The following BTBD8 variants were observed in gnomAD, a reference collection of about 807,000 sequenced individuals.
BTBD8 encodes the protein BTB domain containing 8, also known as BTB/POZ domain-containing protein 8.
In BTBD8, 110 loss-of-function variants were observed where a neutral mutation model predicts 162.9. The ratio of observed to expected loss-of-function variants is 0.68; its 90% CI spans 0.58 to 0.79. The LOEUF (loss-of-function observed/expected upper bound fraction) is 0.79, where lower values mean the gene tolerates loss of function less well. BTBD8 is among the 30% of genes least tolerant of loss of function. The pLI, the probability that BTBD8 is intolerant of heterozygous loss-of-function variation, is 0.00. For missense variants in BTBD8, 1,905 were observed against 2,085.4 expected (o/e 0.91, Z 1.68); for synonymous variants, 667 against 716.1 (o/e 0.93, Z 1.10).
rs1649959299 is a variant in BTBD8, at chr1:92,147,755, A to C, written c.1091A>C (p.Lys364Thr). Residue 364 changes from lysine to threonine, a missense_variant, in exon 9 of 18, where the codon AAA becomes ACA. Transcript: ENST00000636805. ...SFANIPPEIQ[K>T]SCLNMLIQSL... is the part of the protein sequence containing the mutation. Reference sequence around the variant, plus strand: ...GCAAATATACCTCCTGAGATTCAGAAAAGTTGTCTTAATATGTTGATTCAG... The same window carrying C: ...GCAAATATACCTCCTGAGATTCAGACAAGTTGTCTTAATATGTTGATTCAG... 1 of 1,613,548 alleles carries C rather than the reference A, an allele frequency of 6.2e-7. No homozygotes were observed. The highest frequency in any genetic ancestry group is 2.2e-5 in the East Asian group (1 of 44,804).
At chr1:92,177,652 A>G (rs1650760268) in intron 14 of BTBD8, 106 bp downstream of exon 14, 2 of 855,806 alleles carry the variant, frequency 2.3e-6, no homozygotes, top group African/African-American at 1.7e-5. Context: ...TCAGATGCCA[A>G]CAGAATACTT....
chr1:92,119,266 T>C (rs1649126808), intron 4 of BTBD8, among the ~76,000 whole-genome samples: 2 of 151,554 alleles, frequency 1.3e-5, no homozygotes, highest in Non-Finnish European at 2.9e-5. Context: ...TGTATAGCTG[T>C]ACAAATTTTT....
intron 4 of BTBD8, among the ~76,000 whole-genome samples, chr1:92,118,563 T>C (rs970299173): frequency 2.6e-5 from 4 of 151,952 alleles, no homozygotes; most frequent in African/African-American, 9.7e-5. Context: ...ACTTCCCATT[T>C]CCAGACTCTG....
At chr1:92,129,867 T>C in intron 5 of BTBD8, 91 bp downstream of exon 5, 2 of 1,078,928 alleles carry the variant, frequency 1.9e-6, no homozygotes, top group Non-Finnish European at 2.8e-6. Context: ...TTTCCCTGGA[T>C]GTTCAAGGAA....
At chr1:92,084,761 AG>A (rs1450927592) in intron 1 of BTBD8, among the ~76,000 whole-genome samples, 1 of 152,096 alleles carries the variant, frequency 6.6e-6, no homozygotes. Context: ...TTCCCTACTG[AG>A]GTTAATAGAG....
Position 92,149,218 on chromosome 1 carries a change from C to T in BTBD8, c.1122+1432C>T, listed in dbSNP as rs991772168. ...ATATTAATCAAATATTTTTGTTTTC[C>T]TCCTACTGTCTCATTCCCCGTCATC... On this transcript the variant is annotated intron_variant, in intron 9 of 17. Coordinates refer to ENST00000636805, the MANE Select transcript of BTBD8 (RefSeq NM_001376131.1). Among the ~76,000 whole-genome samples, 4 of 152,106 alleles carry T rather than the reference C, an allele frequency of 2.6e-5. No individual in the cohort carries two copies. The East Asian group carries it at 7.7e-4, about 29-fold the overall frequency.
intron 4 of BTBD8, among the ~76,000 whole-genome samples, chr1:92,113,970 T>G (rs1204552347): frequency 2.1e-5 from 3 of 141,396 alleles, no homozygotes; most frequent in African/African-American, 8.1e-5. Context: ...CGAGATCACG[T>G]CACTGCACTC....
rs576011580 is a variant in BTBD8 at position 92,119,707 on chromosome 1, A to T, written c.663-9980A>T. ...AGTGGCGCGATCTCGGCTCACTGCA[A>T]GCTCCGCCTTCCGGGTTCACGCCGT... On this transcript the variant is annotated intron_variant, in intron 4 of 17. Transcript: ENST00000636805. Among the ~76,000 whole-genome samples, 169 of 150,234 alleles carry T rather than the reference A, an allele frequency of 1.1e-3. 1 individual carries two copies. The highest frequency in any genetic ancestry group is 3.9e-3 in the African/African-American group (161 of 40,864).
At chr1:92,116,718 T>C (rs1219913943) in intron 4 of BTBD8, among the ~76,000 whole-genome samples, 1 of 152,050 alleles carries the variant, frequency 6.6e-6, no homozygotes, top group African/African-American at 2.4e-5. Flanking sequence ...ATATTTAAAA[T>C]TAATTTCTTT....
In BTBD8 at chr1:92,180,882, G is replaced by A. The variant is rs1260856389; in HGVS notation, c.3199G>A (p.Ala1067Thr). ...PNHKETDDCD[A>T]ANICCHSVGS... The stretch of plus-strand genomic sequence containing the variant: ...TCACAAAGAAACAGATGATTGCGAT[G>A]CAGCTAACATATGTTGTCATTCTGT... The change falls in exon 17 of 18, where the codon GCA becomes ACA. Residue 1067 changes from alanine to threonine, a missense_variant. Coordinates refer to ENST00000636805, the MANE Select transcript of BTBD8 (RefSeq NM_001376131.1). The A allele has an allele frequency of 1.3e-6, 2 of 1,551,534 alleles. No individual in the cohort carries two copies. The highest frequency in any genetic ancestry group is 4.9e-5 in the East Asian group (2 of 40,926).
At chr1:92,127,005 A>G (rs1272714151) in intron 4 of BTBD8, among the ~76,000 whole-genome samples, 1 of 152,076 alleles carries the variant, frequency 6.6e-6, no homozygotes, top group Non-Finnish European at 1.5e-5. Flanking sequence ...TCATTTTTCC[A>G]CTCTTAAATT....
At chr1:92,090,290 C>T (rs1036689273) in intron 2 of BTBD8, among the ~76,000 whole-genome samples, 1 of 152,164 alleles carries the variant, frequency 6.6e-6, no homozygotes, top group Non-Finnish European at 1.5e-5. Context: ...TCTCCACATC[C>T]TCGGCACATT....
At chr1:92,090,909 A>G (rs965223668) in intron 2 of BTBD8, among the ~76,000 whole-genome samples, 7 of 152,170 alleles carry the variant, frequency 4.6e-5, no homozygotes, top group Non-Finnish European at 8.8e-5. Context: ...TCCAGCTTGG[A>G]TGACGGAGCA....
intron 9 of BTBD8, among the ~76,000 whole-genome samples, chr1:92,155,780 T>C (rs1408645875): frequency 6.6e-6 from 1 of 152,228 alleles, no homozygotes; most frequent in African/African-American, 2.4e-5. Context: ...TTATTGTATG[T>C]TCATTTTGTA....
chr1:92,179,646 C>T (rs1650828483), intron 16 of BTBD8, among the ~76,000 whole-genome samples: 2 of 152,200 alleles, frequency 1.3e-5, no homozygotes, highest in South Asian at 4.2e-4. Context: ...AGACTTTCAC[C>T]AGTATAAACA....
At chr1:92,155,666 A>C (rs1464095860) in intron 9 of BTBD8, among the ~76,000 whole-genome samples, 2 of 152,058 alleles carry the variant, frequency 1.3e-5, no homozygotes, top group South Asian at 4.1e-4. Flanking sequence ...ACCTTCTTAG[A>C]TAAGTTTATT....
intron 7 of BTBD8, among the ~76,000 whole-genome samples, chr1:92,146,645 A>G (rs1365687283): frequency 1.3e-5 from 2 of 152,124 alleles, no homozygotes; most frequent in Non-Finnish European, 2.9e-5. Flanking sequence ...GCAACCACTG[A>G]CCTTTTTACT....
Position 92,181,291 on chromosome 1 carries a change from C to A in BTBD8, c.3608C>A (p.Ser1203Ter). 2 of 1,551,390 alleles carry A rather than the reference C, an allele frequency of 1.3e-6. No homozygotes were observed. The highest frequency in any genetic ancestry group is 1.7e-6 in the Non-Finnish European group (2 of 1,146,924). ...TCAGATGTATCTTCCAAGTGTTTTTCGGGACAGCTATCAGAAAAAAATTCT... is the reference window on the plus strand; with the variant it reads ...TCAGATGTATCTTCCAAGTGTTTTTAGGGACAGCTATCAGAAAAAAATTCT... ...ADSDVSSKCF[S>*]GQLSEKNSPK... is the part of the protein sequence containing the mutation. The change falls in exon 17 of 18, where the codon TCG becomes TAG. Residue 1203 changes from serine to a stop codon, truncating the protein, a stop_gained. Transcript: ENST00000636805. LOFTEE classifies it high-confidence loss of function.
chr1:92,178,263 C>T, intron 15 of BTBD8, 49 bp from the exon 16 acceptor site: 1 of 1,413,986 alleles, frequency 7.1e-7, no homozygotes, highest in Non-Finnish European at 9.5e-7. Context: ...TTAAAAAGTT[C>T]ATGTTTTGGA....
Sources: allele counts gnomAD v4.1 joint callset (sites outside exome capture counted in the v4.1 genomes callset), GRCh38; gene constraint gnomAD v4.1.1; transcripts MANE v1.5; gene names NCBI Gene and HGNC (gene_info 2026-07-23, HGNC 2026-07-21).